MAST4: variants seen among roughly 807,000 people sequenced by gnomAD.
The protein encoded by MAST4 is microtubule associated serine/threonine kinase family member 4.
MAST4 carries 89 observed loss-of-function variants against 162.7 expected under a neutral mutation model. That is an observed-to-expected ratio of 0.55 (90% CI 0.46 to 0.65). The LOEUF (loss-of-function observed/expected upper bound fraction) is 0.65, where lower values mean the gene tolerates loss of function less well. MAST4 is among the 30% of genes least tolerant of loss of function. MAST4 has a pLI of 0.00. For synonymous variants in MAST4, 1,479 were observed against 1,361.1 expected (o/e 1.09, Z -1.91); for missense variants, 3,153 against 3,374.0 (o/e 0.93, Z 1.62).
At chr5:66,966,600 GT>G (rs1360520074) in intron 4 of MAST4, among the ~76,000 whole-genome samples, 1 of 152,076 alleles carries the variant, frequency 6.6e-6, no homozygotes, top group African/African-American at 2.4e-5. Flanking sequence ...AGCATGGAGG[GT>G]GGTGCACTGA....
chr5:66,908,310 T>C (rs1009527690), intron 4 of MAST4, among the ~76,000 whole-genome samples: 1 of 152,186 alleles, frequency 6.6e-6, no homozygotes, highest in Non-Finnish European at 1.5e-5. Context: ...CTTTGAAAAT[T>C]ATATGAAGAC....
chr5:66,611,505 A>T (rs1743286791), intron 1 of MAST4, among the ~76,000 whole-genome samples: 1 of 152,238 alleles, frequency 6.6e-6, no homozygotes, highest in African/African-American at 2.4e-5. Flanking sequence ...CTTCTAAGAG[A>T]TGGCAAAGGC....
In MAST4 at chr5:67,163,905, G is replaced by A. The variant is rs2151128205; in HGVS notation, c.4726G>A (p.Val1576Ile). ...TAAGCTGGAAGAGAGAGAGAAGAAA[G>A]TCTATCCGAAGGCTGTGGAAAGGTC... ...LFKLEEREKK[V>I]YPKAVERSST... The change falls in exon 29 of 29, where the codon GTC (valine) becomes ATC (isoleucine). Residue 1576 changes from valine to isoleucine, a missense_variant. This residue lies in a region of MAST4 where 1,644 missense variants were observed against 1,495.0 expected (regional missense o/e 1.10). Coordinates refer to ENST00000403625, the MANE Select transcript of MAST4 (RefSeq NM_001164664.2). This position sits in a 1 kb window ranked among gnomAD's most constrained non-coding sequence, Gnocchi z 7.0. 2 of 1,614,052 alleles carry A rather than the reference G, an allele frequency of 1.2e-6. No homozygotes were observed. The highest frequency in any genetic ancestry group is 1.7e-5 in the Admixed American group (1 of 60,034).
In MAST4 at chr5:67,162,673, C is replaced by T. The variant is rs944357982; in HGVS notation, c.3852C>T (p.Phe1284=). 4.3e-6 allele frequency: 7 copies of T among 1,613,934 alleles called. No homozygotes were observed. The East Asian group carries it at 6.7e-5, about 15-fold the overall frequency. ...CTTTACTCCACACCAGCCGAAGTTT[C>T]TCCTGCTTGAACAGATCCCTGTCAT... ...PSPLLHTSRS[F]SCLNRSLSSG... Residue 1284 remains phenylalanine, a synonymous_variant, in exon 28 of 29, where the codon TTC becomes TTT. Transcript: ENST00000403625.
chr5:66,923,424 C>G (rs534528355), intron 4 of MAST4, among the ~76,000 whole-genome samples: 1 of 152,266 alleles, frequency 6.6e-6, no homozygotes, highest in African/African-American at 2.4e-5. Context: ...GTCACAGGAG[C>G]CTTCAACATG....
At chr5:66,993,447 T>C (rs190543107) in intron 4 of MAST4, among the ~76,000 whole-genome samples, 3 of 152,250 alleles carry the variant, frequency 2.0e-5, no homozygotes, top group Admixed American at 6.5e-5. Flanking sequence ...AAACACATAA[T>C]TGTGCTGCAG....
intron 1 of MAST4, among the ~76,000 whole-genome samples, chr5:66,654,498 A>T (rs2149451879): frequency 6.6e-6 from 1 of 152,300 alleles, no homozygotes; most frequent in East Asian, 1.9e-4. Flanking sequence ...ACTGTTTTGC[A>T]ATTCTTGATT....
At chr5:66,981,878 A>T (rs919272980) in intron 4 of MAST4, among the ~76,000 whole-genome samples, 3 of 152,202 alleles carry the variant, frequency 2.0e-5, no homozygotes, top group Non-Finnish European at 4.4e-5. Flanking sequence ...CTCTAATTTG[A>T]GGACACTTCT....
chr5:67,025,969 A>G (rs112100368), intron 4 of MAST4, among the ~76,000 whole-genome samples: 263 of 152,340 alleles, frequency 1.7e-3, no homozygotes, highest in African/African-American at 6.1e-3. Flanking sequence ...CCATGAATGT[A>G]TAAAGATTGT....
chr5:66,855,818 A>G (rs989038546), intron 3 of MAST4, among the ~76,000 whole-genome samples: 3 of 152,128 alleles, frequency 2.0e-5, no homozygotes, highest in Non-Finnish European at 4.4e-5. Context: ...GTAGGCTTAC[A>G]TGGTTTTGGA....
At chr5:67,037,498 A>C (rs1048768165) in intron 4 of MAST4, among the ~76,000 whole-genome samples, 4 of 152,330 alleles carry the variant, frequency 2.6e-5, no homozygotes, top group East Asian at 1.9e-4. Context: ...AGGACAGAAG[A>C]AGCAAAAAAT....
chr5:67,004,538 T>G (rs1298382887), intron 4 of MAST4: 5 of 159,932 alleles, frequency 3.1e-5, no homozygotes, highest in Non-Finnish European at 5.5e-5. Context: ...ATGGTTTTGC[T>G]GATAAGCAAC....
chr5:66,981,845 T>G (rs953820828), intron 4 of MAST4, among the ~76,000 whole-genome samples: 2 of 152,198 alleles, frequency 1.3e-5, no homozygotes, highest in Non-Finnish European at 2.9e-5. Flanking sequence ...CAAGATCAGT[T>G]GGCTCAGTAA....
At chr5:66,754,063 T>A (rs1334468388) in intron 1 of MAST4, among the ~76,000 whole-genome samples, 1 of 152,018 alleles carries the variant, frequency 6.6e-6, no homozygotes, top group Admixed American at 6.5e-5. Context: ...CATGATTATA[T>A]CAATAGATGC....
chr5:67,017,034 CTG>C (rs1235975057), intron 4 of MAST4, among the ~76,000 whole-genome samples: 2 of 152,180 alleles, frequency 1.3e-5, no homozygotes, highest in East Asian at 1.9e-4. Flanking sequence ...CTATTGCTAA[CTG>C]TTTTTAAGGA....
chr5:66,741,350 A>G (rs988781814), intron 1 of MAST4, among the ~76,000 whole-genome samples: 35 of 152,206 alleles, frequency 2.3e-4, no homozygotes, highest in Non-Finnish European at 5.9e-5. Flanking sequence ...CAGTGGCCAA[A>G]CCACACTTGG....
At chr5:66,644,699 G>A (rs1278921429) in intron 1 of MAST4, among the ~76,000 whole-genome samples, 1 of 151,054 alleles carries the variant, frequency 6.6e-6, no homozygotes, top group East Asian at 2.0e-4. Flanking sequence ...TGAGGGCACA[G>A]TTCTGATGAG....
In MAST4 at chr5:67,078,911, A is replaced by AATAAATATATATATATATAATATATAT. The variant is rs1227485756; in HGVS notation, c.764-11248_764-11247insAATATATATATATATAATATATATATA. On this transcript the variant is annotated intron_variant, in intron 5 of 28. Coordinates refer to ENST00000403625, the MANE Select transcript of MAST4 (RefSeq NM_001164664.2). ...TTATATATTTATATATTTTTATATA[A>AATAAATATATATATATATAATATATAT]ATATATATATATATATATATATATA... 1.0e-3 allele frequency among the ~76,000 whole-genome samples: 40 copies of AATAAATATATATATATATAATATATAT among 38,096 alleles called. 2 individuals carry two copies. The highest frequency in any genetic ancestry group is 9.2e-4 in the Non-Finnish European group (21 of 22,718). 25.0% of individuals were successfully genotyped at this position (38,096 alleles called of 152,430 possible).
Position 66,923,286 on chromosome 5 carries a change from G to A in MAST4, c.674+23304G>A, listed in dbSNP as rs574246288. Among the ~76,000 whole-genome samples, 283 of 152,274 alleles carry A rather than the reference G, an allele frequency of 1.9e-3. 8 individuals are homozygous for A. In the South Asian group the frequency reaches 0.057, roughly 30 times the overall value. On this transcript the variant is annotated intron_variant, in intron 4 of 28. Coordinates refer to ENST00000403625, the MANE Select transcript of MAST4 (RefSeq NM_001164664.2). ...TATAACTGATTAAAAGAAACGCTGG[G>A]TATTTAAAGGCTTCCATACCCAATG...
Sources: gnomAD v4.1 joint callset for allele counts (sites outside exome capture counted in the v4.1 genomes callset) on GRCh38, gnomAD v4.1.1 for gene constraint, gnomAD v4.1.1 regional missense constraint, Gnocchi (gnomAD v3.1) non-coding constraint, MANE v1.5 for transcripts, NCBI Gene and HGNC (gene_info 2026-07-23, HGNC 2026-07-21) for gene names.